The following AK9 variants were observed in gnomAD, a reference collection of about 807,000 sequenced individuals.
AK9 encodes adenylate kinase 9.
AK9 carries 191 observed loss-of-function variants against 239.6 expected under a neutral mutation model. That is an observed-to-expected ratio of 0.80 (90% confidence interval 0.71 to 0.90). AK9 has a LOEUF of 0.90. Ranked by LOEUF, AK9 falls within the 40% of genes least tolerant of loss-of-function variation. AK9 has a pLI of 0.00. For missense variants in AK9, 1,995 were observed against 2,214.7 expected, an observed-to-expected ratio of 0.90 and a Z score of 1.99; for synonymous variants, 689 against 721.0, an observed-to-expected ratio of 0.96 and a Z score of 0.71.
intron 1 of AK9, among the ~76,000 whole-genome samples, chr6:109,678,471 T>C (rs996878433): frequency 2.0e-5 from 3 of 152,182 alleles, no homozygotes; most frequent in Non-Finnish European, 4.4e-5. Flanking sequence ...ATGGAAACGT[T>C]CTCTATCTTG....
intron 10 of AK9, among the ~76,000 whole-genome samples, chr6:109,638,832 T>C (rs1462539339): frequency 2.0e-5 from 3 of 152,084 alleles, no homozygotes; most frequent in Non-Finnish European, 2.9e-5. Flanking sequence ...CCATGTTGTG[T>C]GATGTTCCCC....
chr6:109,681,857 T>C (rs1583567304), intron 1 of AK9, among the ~76,000 whole-genome samples: 1 of 151,966 alleles, frequency 6.6e-6, no homozygotes, highest in East Asian at 1.9e-4. Flanking sequence ...ATAATGAAAT[T>C]AAGGCAGAGA....
chr6:109,497,707 A>G (rs1415181302), intron 37 of AK9, 89 bp downstream of exon 37: 2 of 1,468,708 alleles, frequency 1.4e-6, no homozygotes, highest in Admixed American at 2.1e-5. Context: ...ACAACAGCGA[A>G]CTTTTGACCA....
chr6:109,579,344 T>C, intron 20 of AK9: 1 of 488,656 alleles, frequency 2.0e-6, no homozygotes, highest in East Asian at 3.4e-5. Flanking sequence ...ATCCATTACT[T>C]CAGTAACAAT....
chr6:109,550,384 A>G, intron 24 of AK9, 82 bp from the exon 25 acceptor site: 1 of 1,244,934 alleles, frequency 8.0e-7, no homozygotes, highest in South Asian at 1.4e-5. Flanking sequence ...TGCTTCTTGA[A>G]TAATATTTAA....
intron 8 of AK9, among the ~76,000 whole-genome samples, chr6:109,653,961 A>C (rs1416765449): frequency 6.6e-6 from 1 of 151,992 alleles, no homozygotes; most frequent in African/African-American, 2.4e-5. Context: ...AACAATGTTG[A>C]ACTCTGAGCC....
chr6:109,657,163 C>CA (rs1172652399), intron 7 of AK9, among the ~76,000 whole-genome samples: 2 of 152,116 alleles, frequency 1.3e-5, no homozygotes, highest in Admixed American at 6.6e-5. Flanking sequence ...TTTTCAGAGA[C>CA]AAAATAGAGA....
intron 17 of AK9, among the ~76,000 whole-genome samples, chr6:109,587,783 G>C (rs979749605): frequency 3.3e-5 from 5 of 152,114 alleles, no homozygotes; most frequent in Non-Finnish European, 7.4e-5. Context: ...TTGATAAAAA[G>C]GCTTCTTTTC....
chr6:109,584,278 T>C (rs1258613307), intron 19 of AK9, among the ~76,000 whole-genome samples: 1 of 152,066 alleles, frequency 6.6e-6, no homozygotes. Flanking sequence ...TAAAGAGCTC[T>C]CCTAAGTCTC....
Position 109,537,477 on chromosome 6 carries a change from T to G in AK9, c.3351-4007A>C, listed in dbSNP as rs1236765029. Reference sequence around the variant, plus strand: ...CCCCTTTATCATTTTTTATTGCATCTATTTGATTCTTCTCTCTTTTCTTCT... The same window carrying G: ...CCCCTTTATCATTTTTTATTGCATCGATTTGATTCTTCTCTCTTTTCTTCT... On this transcript the variant is annotated intron_variant, in intron 27 of 40. Coordinates refer to ENST00000424296, the MANE Select transcript of AK9 (RefSeq NM_001145128.3). 2.8e-5 allele frequency among the ~76,000 whole-genome samples: 4 copies of G among 140,722 alleles called. 1 individual carries two copies. Among genetic ancestry groups the G allele is most frequent in the African/African-American group, 5.0e-5 (2 of 40,294 alleles). The allele number at this position is 140,722 out of a possible 152,430, so 92.3% of individuals were successfully genotyped here. A position where few individuals can be genotyped will look rare whatever the true frequency, so the allele number is the denominator to read the frequency against.
At chr6:109,669,227 C>T (rs1344713823) in intron 5 of AK9, among the ~76,000 whole-genome samples, 17 of 151,962 alleles carry the variant, frequency 1.1e-4, no homozygotes, top group South Asian at 2.1e-4. Flanking sequence ...GTGATTTTTG[C>T]ACATTGATTT....
intron 17 of AK9, among the ~76,000 whole-genome samples, chr6:109,601,405 C>A (rs1791940090): frequency 6.6e-6 from 1 of 152,138 alleles, no homozygotes; most frequent in African/African-American, 2.4e-5. Flanking sequence ...GTTTCTTAGT[C>A]CTGAGTTCTA....
intron 29 of AK9, among the ~76,000 whole-genome samples, chr6:109,520,552 C>A (rs570063624): frequency 6.6e-6 from 1 of 151,832 alleles, no homozygotes; most frequent in Non-Finnish European, 1.5e-5. Context: ...TAGTGTGATG[C>A]CTCTGGCTTC....
At chr6:109,641,369 GT>G in intron 10 of AK9, 148 bp downstream of exon 10, 1 of 59,352 alleles carries the variant, frequency 1.7e-5, no homozygotes, top group Non-Finnish European at 3.1e-5. Context: ...TTTTTTTTTT[GT>G]AGAGATGGGT....
At chr6:109,517,749 T>A (rs1779418451) in intron 29 of AK9, among the ~76,000 whole-genome samples, 1 of 152,144 alleles carries the variant, frequency 6.6e-6, no homozygotes, top group African/African-American at 2.4e-5. Context: ...ACGAGAATAA[T>A]ACATTAATGA....
chr6:109,676,185 T>A (rs1290662147), intron 1 of AK9, among the ~76,000 whole-genome samples: 1 of 152,172 alleles, frequency 6.6e-6, no homozygotes, highest in African/African-American at 2.4e-5. Flanking sequence ...CTTTGGTTAA[T>A]TCCATGAAGA....
chr6:109,689,035 G>A (rs763884081), intron 1 of AK9, among the ~76,000 whole-genome samples: 5 of 152,108 alleles, frequency 3.3e-5, no homozygotes, highest in African/African-American at 4.8e-5. Flanking sequence ...TGCTCCTCAG[G>A]GATGAAAGCT....
intron 8 of AK9, among the ~76,000 whole-genome samples, chr6:109,650,128 A>T (rs1798704484): frequency 1.3e-5 from 2 of 152,236 alleles, no homozygotes; most frequent in South Asian, 4.1e-4. Context: ...AAACCATAAA[A>T]AACCTAGAAG....
chr6:109,642,063 T>C (rs1797521718), intron 9 of AK9, among the ~76,000 whole-genome samples: 2 of 152,094 alleles, frequency 1.3e-5, no homozygotes, highest in African/African-American at 4.8e-5. Flanking sequence ...TGGAGGCAGA[T>C]ATTGGAGTTT....
Sources: gnomAD v4.1 joint callset for allele counts (sites outside exome capture counted in the v4.1 genomes callset) on GRCh38, gnomAD v4.1.1 for gene constraint, MANE v1.5 for transcripts, NCBI Gene and HGNC (gene_info 2026-07-23, HGNC 2026-07-21) for gene names.